Variants in SLC8B1 observed in about 807,000 individuals in gnomAD.
SLC8B1 encodes solute carrier family 8 member B1.
SLC8B1 carries 52 observed loss-of-function variants against 63.4 expected under a neutral mutation model. The observed-to-expected ratio is 0.82, with a 90% confidence interval of 0.66 to 1.03. The LOEUF (loss-of-function observed/expected upper bound fraction) is 1.03, where lower values mean the gene tolerates loss of function less well. SLC8B1 is among the 50% of genes least tolerant of loss of function. The pLI, the probability that SLC8B1 is intolerant of heterozygous loss-of-function variation, is 0.00. For missense variants in SLC8B1, 657 were observed against 741.7 expected (o/e 0.89, Z 1.33); for synonymous variants, 336 against 323.9 (o/e 1.04, Z -0.40).
chr12:113,304,297 T>A (rs761002498), intron 15 of SLC8B1, 24 bp downstream of exon 15: 13 of 1,612,428 alleles, frequency 8.1e-6, no homozygotes, highest in South Asian at 1.1e-5. Context: ...TATATACACT[T>A]GTAAACTTAC....
Position 113,305,607 on chromosome 12 carries a change from C to T in SLC8B1, c.1492+888G>A, listed in dbSNP as rs1956659961. On this transcript the variant is annotated intron_variant, in intron 14 of 15. Transcript: ENST00000680972. The surrounding 1 kb of genome is among the most constrained non-coding windows in gnomAD (Gnocchi z 4.3). ...AGACCAAAAGTTGGCAAACATCAGC[C>T]CTCCGGCCAAATTTGGCCCACTAAC... Among the ~76,000 whole-genome samples the T allele has an allele frequency of 6.6e-6, 1 of 152,218 alleles. No homozygotes were observed. The highest frequency in any genetic ancestry group is 1.5e-5 in the Non-Finnish European group (1 of 68,036).
intron 12 of SLC8B1, among the ~76,000 whole-genome samples, chr12:113,309,933 G>C (rs899287394): frequency 2.0e-5 from 3 of 151,420 alleles, no homozygotes; most frequent in Non-Finnish European, 2.9e-5. Context: ...CTCTAAAATT[G>C]ATTGTGATGA....
intron 8 of SLC8B1, among the ~76,000 whole-genome samples, chr12:113,318,099 CAT>C (rs1413050366): frequency 2.6e-5 from 4 of 151,350 alleles, no homozygotes; most frequent in African/African-American, 4.9e-5. Flanking sequence ...TATGTGTGCG[CAT>C]GTTTGTATAA....
At position 113,307,760 on chromosome 12, in the gene SLC8B1, C is replaced by A. The variant is rs1242132170; in HGVS notation, c.1342G>T (p.Gly448Cys). The A allele has an allele frequency of 6.2e-7, 1 of 1,613,996 alleles. No individual in the cohort carries two copies. The highest frequency in any genetic ancestry group is 1.7e-5 in the Admixed American group (1 of 60,018). ...TEVVNILRSLGVVFRLSNTVL... is the reference protein window; with the variant it reads ...TEVVNILRSLCVVFRLSNTVL... ...GTGTTGCTCAGCCGGAAGACCACACCCAGGGACCGCAAGATGTTCACCACC... is the reference window on the plus strand; with the variant it reads ...GTGTTGCTCAGCCGGAAGACCACACACAGGGACCGCAAGATGTTCACCACC... Residue 448 changes from glycine to cysteine, a missense_variant, in exon 13 of 16, where the codon GGT becomes TGT. Gly to Cys is a radical substitution (Grantham distance 159). Coordinates refer to ENST00000680972, the MANE Select transcript of SLC8B1 (RefSeq NM_001358345.2).
At chr12:113,317,763 T>C (rs1239360196) in intron 8 of SLC8B1, among the ~76,000 whole-genome samples, 2 of 124,838 alleles carry the variant, frequency 1.6e-5, no homozygotes, top group African/African-American at 6.6e-5. Flanking sequence ...TATGTGTGTG[T>C]GCATGTATTT....
rs942745521 is a variant in SLC8B1, at chr12:113,335,076, G to C, written c.-716C>G. ...CTTCCAGGTCCCTGGCCGCCGGACC[G>C]ACCTTGCGCCAGCGAAGCCGCCAGT... On this transcript the variant is annotated 5_prime_UTR_variant, in exon 1 of 16. Transcript: ENST00000680972. 2 of 152,402 alleles carry C rather than the reference G, an allele frequency of 1.3e-5. No individual in the cohort carries two copies. The highest frequency in any genetic ancestry group is 4.8e-5 in the African/African-American group (2 of 41,464). The allele number at this position is 152,402 out of a possible 1,614,324, so 9.4% of individuals were successfully genotyped here.
chr12:113,313,195 C>A (rs1483325015), intron 11 of SLC8B1, among the ~76,000 whole-genome samples: 1 of 152,066 alleles, frequency 6.6e-6, no homozygotes, highest in Non-Finnish European at 1.5e-5. Flanking sequence ...CGTGAGCCAC[C>A]ATCGCTGGTC....
intron 2 of SLC8B1, among the ~76,000 whole-genome samples, chr12:113,323,372 G>A (rs998637277): frequency 1.3e-5 from 2 of 152,170 alleles, no homozygotes; most frequent in Non-Finnish European, 2.9e-5. Flanking sequence ...CATTGGCTAT[G>A]AGCAGCCTTA....
intron 8 of SLC8B1, among the ~76,000 whole-genome samples, chr12:113,318,223 T>C (rs906935756): frequency 2.0e-5 from 3 of 151,782 alleles, no homozygotes; most frequent in African/African-American, 7.3e-5. Context: ...ATATGTGTTG[T>C]ATGTACACAT....
At chr12:113,307,252 G>A (rs1053587002) in intron 13 of SLC8B1, among the ~76,000 whole-genome samples, 9 of 151,538 alleles carry the variant, frequency 5.9e-5, no homozygotes, top group Non-Finnish European at 1.0e-4. Flanking sequence ...GGAAGGAGGG[G>A]CTAGATTTCA....
rs774152586 is a variant in SLC8B1, at chr12:113,316,561, T to C, written c.958A>G (p.Lys320Glu). The C allele has an allele frequency of 1.6e-5, 26 of 1,614,098 alleles. No individual in the cohort carries two copies. ...NPLDYMKWRR[K>E]SAYWKALKVF... ...TTGAGGGCTTTCCAGTATGCTGATT[T>C]CCTTCTCCACTTCATGTAATCCAGG... The change falls in exon 10 of 16, where the codon AAA becomes GAA. Residue 320 changes from lysine (K) to glutamate (E), a missense_variant. Lys to Glu is a moderately conservative substitution (Grantham distance 56). Transcript: ENST00000680972.
In SLC8B1 at chr12:113,299,769, G is replaced by A. The variant is rs2241543; in HGVS notation, c.*8C>T. 6.8e-6 allele frequency: 11 copies of A among 1,613,724 alleles called. No individual in the cohort carries two copies. Among genetic ancestry groups the A allele is most frequent in the South Asian group, 2.2e-5 (2 of 91,052 alleles). ...CTGCAGTGAGGCCACAGCACTAAGC[G>A]GCTTCAGTCACATGCTTTTCAGGTG... On this transcript the variant is annotated 3_prime_UTR_variant, in exon 16 of 16. Transcript: ENST00000680972.
intron 11 of SLC8B1, among the ~76,000 whole-genome samples, chr12:113,313,466 G>A (rs996354042): frequency 5.3e-5 from 8 of 152,184 alleles, no homozygotes; most frequent in African/African-American, 7.2e-5. Flanking sequence ...GTGGCCAGGC[G>A]CAGTGGCTCA....
rs761473259 is a variant in SLC8B1 at position 113,307,749 on chromosome 12, G to T, written c.1353C>A (p.Phe451Leu). ...VNILRSLGVV[F>L]RLSNTVLGLT... ...GCCCCAGCACAGTGTTGCTCAGCCG[G>T]AAGACCACACCCAGGGACCGCAAGA... The change falls in exon 13 of 16, where the codon TTC becomes TTA. Residue 451 changes from phenylalanine (F) to leucine (L), a missense_variant. Physicochemically the swap from Phe to Leu is conservative, Grantham distance 22. Coordinates refer to ENST00000680972, the MANE Select transcript of SLC8B1 (RefSeq NM_001358345.2). 2.5e-6 allele frequency: 4 copies of T among 1,614,016 alleles called. No individual in the cohort carries two copies. The highest frequency in any genetic ancestry group is 3.4e-6 in the Non-Finnish European group (4 of 1,180,036).
At chr12:113,308,028 T>C in intron 12 of SLC8B1, 184 bp from the exon 13 acceptor site, 1 of 682,586 alleles carries the variant, frequency 1.5e-6, no homozygotes, top group Non-Finnish European at 2.3e-6. Context: ...GTGAGTTCAA[T>C]ATTATTTTCT....
chr12:113,300,228 A>G (rs1401331163), intron 15 of SLC8B1, among the ~76,000 whole-genome samples: 2 of 152,238 alleles, frequency 1.3e-5, no homozygotes, highest in Non-Finnish European at 2.9e-5. Context: ...CTGTAATTCC[A>G]GCACTTTGGG....
rs574065893 is a variant in SLC8B1, at chr12:113,311,730, G to A, written c.1136-1375C>T. ...TTTTTTTTTTTTTTTTTTAGACAGG[G>A]TCTCGATGTATCAACCAGGCTGGAG... On this transcript the variant is annotated intron_variant, in intron 11 of 15. Transcript: ENST00000680972. Among the ~76,000 whole-genome samples, 7 of 128,984 alleles carry A rather than the reference G, an allele frequency of 5.4e-5. No homozygotes were observed. In the South Asian group the frequency reaches 1.6e-3, roughly 30 times the overall value. 84.6% of individuals were successfully genotyped at this position (128,984 alleles called of 152,430 possible).
intron 13 of SLC8B1, 38 bp from the exon 14 acceptor site, chr12:113,306,613 C>T: frequency 6.4e-7 from 1 of 1,550,826 alleles, no homozygotes; most frequent in East Asian, 2.2e-5. Context: ...TGGTGAGTCG[C>T]TTCCCCCACC....
intron 12 of SLC8B1, among the ~76,000 whole-genome samples, chr12:113,309,628 C>T (rs970304961): frequency 2.6e-5 from 4 of 152,114 alleles, no homozygotes; most frequent in Admixed American, 2.0e-4. Context: ...TGGTGGCTTG[C>T]GCCTGTAGTC....
Sources: allele counts gnomAD v4.1 joint callset (sites outside exome capture counted in the v4.1 genomes callset), GRCh38; gene constraint gnomAD v4.1.1; non-coding constraint Gnocchi (gnomAD v3.1); transcripts MANE v1.5; gene names NCBI Gene and HGNC (gene_info 2026-07-23, HGNC 2026-07-21).